Variants in LUC7L3 observed in about 807,000 individuals in gnomAD.
The protein encoded by LUC7L3 is luc7-like protein 3.
In LUC7L3, 6 loss-of-function variants were observed where a neutral mutation model predicts 66.8. The observed-to-expected ratio is 0.09, with a 90% CI of 0.05 to 0.18. LUC7L3 has a LOEUF of 0.18. Ranked by LOEUF, LUC7L3 falls within the 10% of genes least tolerant of loss-of-function variation. The pLI, the probability that LUC7L3 is intolerant of heterozygous loss-of-function variation, is 1.00. For missense variants in LUC7L3, 341 were observed against 531.1 expected (o/e 0.64, Z 3.52); for synonymous variants, 160 against 174.7 (o/e 0.92, Z 0.66).
chr17:50,739,497 C>T (rs1567869512), intron 2 of LUC7L3, among the ~76,000 whole-genome samples: 1 of 151,998 alleles, frequency 6.6e-6, no homozygotes, highest in Non-Finnish European at 1.5e-5. Context: ...ACTAAAAATA[C>T]AAAAAAATTA....
chr17:50,728,762 C>T (rs1281348472), intron 1 of LUC7L3, among the ~76,000 whole-genome samples: 1 of 152,148 alleles, frequency 6.6e-6, no homozygotes, highest in Non-Finnish European at 1.5e-5. Flanking sequence ...CCATTTTGGC[C>T]AGGCAGGTCT....
chr17:50,738,501 C>T (rs1374162241), intron 2 of LUC7L3, among the ~76,000 whole-genome samples: 1 of 152,042 alleles, frequency 6.6e-6, no homozygotes, highest in Non-Finnish European at 1.5e-5. Flanking sequence ...TCTTCAGAGA[C>T]ATATGAGAAG....
intron 6 of LUC7L3, 36 bp downstream of exon 6, chr17:50,743,846 T>C (rs9894508): frequency 0.5 from 713,888 of 1,418,702 alleles, 181,090 homozygotes; most frequent in Non-Finnish European, 0.52. Context: ...CTCATCTGTC[T>C]GTTAACAGTT....
chr17:50,728,940 C>G (rs1969384689), intron 1 of LUC7L3, among the ~76,000 whole-genome samples: 1 of 151,928 alleles, frequency 6.6e-6, no homozygotes, highest in Non-Finnish European at 1.5e-5. Context: ...TTGAGGTATT[C>G]CAGTAATATG....
At chr17:50,727,538 G>T (rs945206233) in intron 1 of LUC7L3, among the ~76,000 whole-genome samples, 1 of 152,122 alleles carries the variant, frequency 6.6e-6, no homozygotes, top group Non-Finnish European at 1.5e-5. Context: ...CGAGTTCAAA[G>T]GTCAGCTGTA....
chr17:50,732,031 G>A (rs564788667), intron 1 of LUC7L3, among the ~76,000 whole-genome samples: 10 of 152,296 alleles, frequency 6.6e-5, no homozygotes, highest in African/African-American at 2.4e-4. Context: ...GTCAAGACAA[G>A]ATGTCATATC....
At chr17:50,719,876 G>GGGGAGC (rs1393761771) in intron 1 of LUC7L3, 45 bp downstream of exon 1, 1 of 1,553,708 alleles carries the variant, frequency 6.4e-7, no homozygotes, top group Admixed American at 1.9e-5. Flanking sequence ...CCGTGGGGGA[G>GGGGAGC]GGGAGCGGGC....
chr17:50,749,114 G>A (rs1471173676), intron 9 of LUC7L3: 1 of 782,170 alleles, frequency 1.3e-6, no homozygotes, highest in Non-Finnish European at 1.8e-6. Flanking sequence ...CCAGTGTAAG[G>A]TGCTCTCTTT....
chr17:50,730,513 C>CAAAAAAAAAAAAAAAAAAAAAAAAA (rs3063109), intron 1 of LUC7L3, among the ~76,000 whole-genome samples: 15 of 59,066 alleles, frequency 2.5e-4, no homozygotes, highest in African/African-American at 3.8e-4. Context: ...ACTCTGTCTC[C>CAAAAAAAAAAAAAAAAAAAAAAAAA]AAAAAAAAAA....
intron 1 of LUC7L3, among the ~76,000 whole-genome samples, chr17:50,735,606 A>G (rs1006499442): frequency 6.6e-6 from 1 of 152,098 alleles, no homozygotes; most frequent in Admixed American, 6.5e-5. Flanking sequence ...CCCAGGCTCA[A>G]GCAATCCTTC....
intron 1 of LUC7L3, 146 bp from the exon 2 acceptor site, chr17:50,736,814 T>G (rs1388343531): frequency 1.7e-6 from 1 of 589,216 alleles, no homozygotes; most frequent in East Asian, 3.0e-5. Flanking sequence ...ATCACTAATT[T>G]ACCTAATATG....
At chr17:50,740,115 G>GC (rs1970251861) in intron 2 of LUC7L3, among the ~76,000 whole-genome samples, 191 bp from the exon 3 acceptor site, 1 of 151,986 alleles carries the variant, frequency 6.6e-6, no homozygotes, top group African/African-American at 2.4e-5. Context: ...TGAAGACTGA[G>GC]CAGATCAATT....
chr17:50,739,369 T>C (rs1346249202), intron 2 of LUC7L3, among the ~76,000 whole-genome samples: 3 of 152,078 alleles, frequency 2.0e-5, no homozygotes, highest in African/African-American at 4.8e-5. Flanking sequence ...TTTGAAAATA[T>C]AGAGAAAAAA....
At chr17:50,735,075 T>G (rs552989346) in intron 1 of LUC7L3, among the ~76,000 whole-genome samples, 1 of 151,554 alleles carries the variant, frequency 6.6e-6, no homozygotes, top group Non-Finnish European at 1.5e-5. Context: ...TACTAAAAAT[T>G]CAAAATTGGC....
chr17:50,747,232 C>CTTTTTTTTTTTTTTTTTTT (rs757254602), intron 9 of LUC7L3, among the ~76,000 whole-genome samples: 23 of 102,976 alleles, frequency 2.2e-4, no homozygotes, highest in Non-Finnish European at 3.4e-4. Flanking sequence ...TTTTCTTTTT[C>CTTTTTTTTTTTTTTTTTTT]TTTTTTTTTT....
Position 50,719,889 on chromosome 17 carries a change from G to C in LUC7L3, c.99+58G>C, listed in dbSNP as rs902594486. 1.1e-5 allele frequency: 16 copies of C among 1,498,818 alleles called. No individual in the cohort carries two copies. In the African/African-American group the frequency reaches 1.8e-4, roughly 17 times the overall value. The allele number at this position is 1,498,818 out of a possible 1,614,324, so 92.8% of individuals were successfully genotyped here. A position where few individuals can be genotyped will look rare whatever the true frequency, so the allele number is the denominator to read the frequency against. On this transcript the variant is annotated intron_variant, in intron 1 of 9. Coordinates refer to ENST00000505658, the MANE Select transcript of LUC7L3 (RefSeq NM_016424.5). ...CTCCGTGGGGGAGGGGAGCGGGCGC[G>C]GGCTGTGGCCCTCCTGGCCGCGGCG...
At chr17:50,725,520 T>C (rs1167292615) in intron 1 of LUC7L3, among the ~76,000 whole-genome samples, 2 of 152,204 alleles carry the variant, frequency 1.3e-5, no homozygotes, top group Non-Finnish European at 2.9e-5. Flanking sequence ...ATGCACTTTT[T>C]TTTTCCAATG....
chr17:50,740,553 T>C (rs951821807), intron 3 of LUC7L3, among the ~76,000 whole-genome samples: 1 of 152,052 alleles, frequency 6.6e-6, no homozygotes, highest in Non-Finnish European at 1.5e-5. Flanking sequence ...ACTTTTTTTT[T>C]CTGTAGCCCA....
rs58361696 is a variant in LUC7L3, at chr17:50,724,611, T to TTGTGTGTGTGTG, written c.99+4804_99+4815dup. ...TAAATCTTTGGTTGCTTTAGGAAAA[T>TTGTGTGTGTGTG]TGTGTGTGTGTGTGTGTGTGTGTGT... On this transcript the variant is annotated intron_variant, in intron 1 of 9. Transcript: ENST00000505658. 2.7e-3 allele frequency among the ~76,000 whole-genome samples: 400 copies of TTGTGTGTGTGTG among 147,260 alleles called. 3 individuals are homozygous for TTGTGTGTGTGTG. The highest frequency in any genetic ancestry group is 6.7e-3 in the African/African-American group (267 of 40,034).
Sources: gnomAD v4.1 joint callset for allele counts (sites outside exome capture counted in the v4.1 genomes callset) on GRCh38, gnomAD v4.1.1 for gene constraint, MANE v1.5 for transcripts, NCBI Gene and HGNC (gene_info 2026-07-23, HGNC 2026-07-21) for gene names.